The following GSE1 variants were observed in gnomAD, a reference collection of about 807,000 sequenced individuals.
GSE1 encodes Gse1 coiled-coil protein.
Under a neutral mutation model 112.6 loss-of-function variants are expected in GSE1, and 32 were observed. The ratio of observed to expected loss-of-function variants is 0.28; its 90% CI spans 0.21 to 0.38. The LOEUF is 0.38. Among genes scored for constraint, GSE1 ranks in the 10% least tolerant of loss-of-function variants. The pLI, the probability that GSE1 is intolerant of heterozygous loss-of-function variation, is 1.00. For missense variants in GSE1, 2,348 were observed against 1,699.2 expected (o/e 1.38, Z -6.71); for synonymous variants, 1,115 against 735.6 (o/e 1.52, Z -8.35).
At chr16:85,631,810 T>G (rs886508337) in intron 1 of GSE1, among the ~76,000 whole-genome samples, 1 of 152,214 alleles carries the variant, frequency 6.6e-6, no homozygotes, top group Non-Finnish European at 1.5e-5. Context: ...CCCAAAAGGT[T>G]GTTCAGCCAG....
chr16:85,444,209 C>T (rs536996933), intron 2 of GSE1, among the ~76,000 whole-genome samples: 1 of 152,252 alleles, frequency 6.6e-6, no homozygotes, highest in South Asian at 2.1e-4. Flanking sequence ...TGGTCTCGAT[C>T]TCTTGACCTC....
chr16:85,661,874 G>A, intron 9 of GSE1, 109 bp downstream of exon 9: 2 of 1,168,162 alleles, frequency 1.7e-6, no homozygotes, highest in East Asian at 2.6e-5. Flanking sequence ...CTTTTTGCCT[G>A]GGGTAGTCCC....
intron 9 of GSE1, among the ~76,000 whole-genome samples, chr16:85,662,028 C>T (rs975921974): frequency 6.6e-6 from 1 of 152,202 alleles, no homozygotes. Flanking sequence ...GAAGATAGTT[C>T]CGCAGACAAG....
intron 2 of GSE1, among the ~76,000 whole-genome samples, chr16:85,410,429 C>T (rs1276235827): frequency 1.7e-4 from 2 of 11,722 alleles, no homozygotes; most frequent in Admixed American, 6.5e-4. Flanking sequence ...ACACTCAGGG[C>T]CCCCTGGATA....
chr16:85,207,063 GC>G (rs2075131154), intron 1 of GSE1, among the ~76,000 whole-genome samples: 1 of 152,224 alleles, frequency 6.6e-6, no homozygotes, highest in African/African-American at 2.4e-5. Flanking sequence ...GCAGGTCCGA[GC>G]GGAGGGCTCT....
chr16:85,449,238 C>A (rs915739098), intron 2 of GSE1, among the ~76,000 whole-genome samples: 1 of 152,186 alleles, frequency 6.6e-6, no homozygotes, highest in African/African-American at 2.4e-5. Flanking sequence ...GGCTTGGGGC[C>A]CCACCGCGCA....
At chr16:85,436,343 C>T (rs890029921) in intron 2 of GSE1, among the ~76,000 whole-genome samples, 10 of 152,200 alleles carry the variant, frequency 6.6e-5, no homozygotes, top group Non-Finnish European at 1.2e-4. Context: ...ACACTGTCTC[C>T]GGCCACTGTG....
chr16:85,254,156 G>A (rs1252328192), intron 1 of GSE1, among the ~76,000 whole-genome samples: 1 of 152,204 alleles, frequency 6.6e-6, no homozygotes, highest in Non-Finnish European at 1.5e-5. Flanking sequence ...CGCCCCCAAG[G>A]GGGCATGGTT....
At chr16:85,295,379 T>C (rs2045338219) in intron 1 of GSE1, among the ~76,000 whole-genome samples, 1 of 152,264 alleles carries the variant, frequency 6.6e-6, no homozygotes, top group African/African-American at 2.4e-5. Flanking sequence ...TCACGCGTGC[T>C]GCAGCGCGGG....
rs1314586960 is a variant in GSE1, at chr16:85,583,406, G to GT, written c.37+27047dup. ...GCTTCCAGGTCTGGGCCCCAGGGTGGTTTTGTTGTCATAACTTTTTGGAAA... is the reference window on the plus strand; with the variant it reads ...GCTTCCAGGTCTGGGCCCCAGGGTGGTTTTTGTTGTCATAACTTTTTGGAAA... On this transcript the variant is annotated intron_variant, in intron 1 of 2. Transcript: ENST00000635906. 4 of 152,250 alleles carry GT rather than the reference G, an allele frequency of 2.6e-5. No individual in the cohort carries two copies. The East Asian group carries it at 7.7e-4, about 29-fold the overall frequency. The allele number at this position is 152,250 out of a possible 1,614,324, so 9.4% of individuals were successfully genotyped here. A position where few individuals can be genotyped will look rare whatever the true frequency, so the allele number is the denominator to read the frequency against.
At chr16:85,304,047 A>G (rs1281450099) in intron 1 of GSE1, among the ~76,000 whole-genome samples, 1 of 152,226 alleles carries the variant, frequency 6.6e-6, no homozygotes, top group African/African-American at 2.4e-5. Flanking sequence ...GAGACAGCAG[A>G]AAAAGCCGCA....
At chr16:85,407,674 A>G (rs78416574) in intron 2 of GSE1, among the ~76,000 whole-genome samples, 771 of 774 alleles carry the variant, frequency 1, 385 homozygotes, top group Non-Finnish European at 1. Context: ...GGGCCCCCTG[A>G]ATAATCCTCA....
chr16:85,298,366 G>A (rs1220709225), intron 1 of GSE1, among the ~76,000 whole-genome samples: 4 of 152,274 alleles, frequency 2.6e-5, no homozygotes, highest in Middle Eastern at 3.4e-3. Flanking sequence ...TGAGTCACCC[G>A]CTGAGCAGGG....
chr16:85,337,307 CTTTT>C (rs750709031), intron 1 of GSE1, among the ~76,000 whole-genome samples: 1 of 133,446 alleles, frequency 7.5e-6, no homozygotes. Context: ...CTTTTCTTTT[CTTTT>C]TTTTTTTTTT....
At chr16:85,611,389 C>G (rs1222357576), upstream of GSE1, 4 of 843,212 alleles carry the variant, frequency 4.7e-6, no homozygotes, top group South Asian at 2.2e-4. Flanking sequence ...ATAAATTACC[C>G]GGGCCCGCGC....
chr16:85,561,828 G>A (rs1021764455), intron 1 of GSE1, among the ~76,000 whole-genome samples: 2 of 152,228 alleles, frequency 1.3e-5, no homozygotes, highest in Non-Finnish European at 2.9e-5. Context: ...GGCCTGTGGG[G>A]GCCGCTGGGT....
chr16:85,230,557 C>T (rs1286325848), intron 1 of GSE1, among the ~76,000 whole-genome samples: 3 of 152,198 alleles, frequency 2.0e-5, no homozygotes, highest in Non-Finnish European at 2.9e-5. Flanking sequence ...CTGCCTTTTG[C>T]TGCGGGGGTT....
intron 2 of GSE1, among the ~76,000 whole-genome samples, chr16:85,471,481 A>G (rs912546295): frequency 1.3e-5 from 2 of 152,210 alleles, no homozygotes. Context: ...TGGTGAGACC[A>G]TAGCTCACTG....
At chr16:85,221,448 TAC>T (rs554041756) in intron 1 of GSE1, among the ~76,000 whole-genome samples, 32 of 150,616 alleles carry the variant, frequency 2.1e-4, no homozygotes, top group Middle Eastern at 3.4e-3. Context: ...TGCACATGTG[TAC>T]ACACACACAC....
Sources: gnomAD v4.1 joint callset for allele counts (sites outside exome capture counted in the v4.1 genomes callset) on GRCh38, gnomAD v4.1.1 for gene constraint, MANE v1.5 for transcripts, NCBI Gene and HGNC (gene_info 2026-07-23, HGNC 2026-07-21) for gene names.